The following CEP63 variants were observed in gnomAD, a reference collection of about 807,000 sequenced individuals.
CEP63 encodes the protein centrosomal protein 63.
Under a neutral mutation model 89.1 loss-of-function variants are expected in CEP63, and 84 were observed. The ratio of observed to expected loss-of-function variants is 0.94; its 90% CI spans 0.79 to 1.13. CEP63 has a LOEUF of 1.13. CEP63 is among the 50% of genes most tolerant of loss of function. CEP63 has a pLI of 0.00. For missense variants in CEP63, 838 were observed against 813.3 expected (o/e 1.03, Z -0.37); for synonymous variants, 267 against 272.5 (o/e 0.98, Z 0.20).
the CEP63 span, among the ~76,000 whole-genome samples, chr3:134,682,198 T>C: frequency 8.5e-5 from 13 of 152,176 alleles, no homozygotes; most frequent in African/African-American, 3.1e-4. Context: ...ATTGGTTTCA[T>C]TTAGGAGCGG....
the CEP63 span, among the ~76,000 whole-genome samples, chr3:134,779,018 C>T: frequency 1.3e-5 from 2 of 152,178 alleles, no homozygotes; most frequent in African/African-American, 4.8e-5. Flanking sequence ...ATGCCCTATA[C>T]AGTAAAAATT....
At chr3:134,686,532 T>A in the CEP63 span, among the ~76,000 whole-genome samples, 1 of 152,194 alleles carries the variant, frequency 6.6e-6, no homozygotes, top group Non-Finnish European at 1.5e-5. Flanking sequence ...AAGTGGGTGT[T>A]GCTCTGGGCC....
chr3:134,716,731 C>T, the CEP63 span, among the ~76,000 whole-genome samples: 2 of 151,846 alleles, frequency 1.3e-5, no homozygotes, highest in Non-Finnish European at 2.9e-5. Flanking sequence ...ACAACAGCCA[C>T]CCCCCCAATC....
At chr3:134,551,854 A>G (rs576952940) in intron 11 of CEP63, 72 bp from the exon 12 acceptor site, 75 of 833,494 alleles carry the variant, frequency 9.0e-5, no homozygotes, top group Admixed American at 1.6e-4. Context: ...TGAAAATTCC[A>G]TGTGGAAAAA....
the CEP63 span, chr3:134,603,490 G>A: frequency 8.6e-7 from 1 of 1,159,470 alleles, no homozygotes. Flanking sequence ...CAGACTCAGT[G>A]GTGTCCAGGG....
At chr3:134,625,044 C>T in the CEP63 span, 1 of 1,587,144 alleles carries the variant, frequency 6.3e-7, no homozygotes, top group Non-Finnish European at 8.6e-7. Context: ...GAGCGGCCAG[C>T]TGTCCTACCT....
At chr3:134,646,522 C>T in the CEP63 span, among the ~76,000 whole-genome samples, 1 of 152,324 alleles carries the variant, frequency 6.6e-6, no homozygotes, top group Admixed American at 6.5e-5. Context: ...TCATGCCTGG[C>T]ACAAAGTAAG....
the CEP63 span, among the ~76,000 whole-genome samples, chr3:134,616,614 C>T: frequency 6.6e-6 from 1 of 152,128 alleles, no homozygotes; most frequent in Non-Finnish European, 1.5e-5. Flanking sequence ...ATGGTAATCA[C>T]CATGTTGGAA....
intron 1 of CEP63, among the ~76,000 whole-genome samples, chr3:134,494,094 A>AT (rs924939087): frequency 7.9e-4 from 14 of 17,810 alleles, no homozygotes; most frequent in Admixed American, 1.8e-3. Context: ...TTTATTTTAT[A>AT]TTTATTTATT....
chr3:134,665,694 C>CAG, the CEP63 span, among the ~76,000 whole-genome samples: 34 of 82,438 alleles, frequency 4.1e-4, no homozygotes, highest in African/African-American at 1.3e-3. Flanking sequence ...CACACACACA[C>CAG]ACACACACAG....
At chr3:134,628,152 C>A in the CEP63 span, 1 of 304,232 alleles carries the variant, frequency 3.3e-6, no homozygotes, top group Non-Finnish European at 6.2e-6. Context: ...TTTGGAGTTT[C>A]CTGCTTTCTT....
the CEP63 span, among the ~76,000 whole-genome samples, chr3:134,681,313 G>A: frequency 0.45 from 68,970 of 151,980 alleles, 16,398 homozygotes; most frequent in East Asian, 0.71. Flanking sequence ...CTGTGAACAC[G>A]TGGCCCACAG....
At chr3:134,655,643 C>T in the CEP63 span, among the ~76,000 whole-genome samples, 3 of 152,194 alleles carry the variant, frequency 2.0e-5, no homozygotes, top group African/African-American at 7.2e-5. Flanking sequence ...TGAACAACAC[C>T]TGCCCCCCTA....
At chr3:134,652,238 T>C in the CEP63 span, among the ~76,000 whole-genome samples, 2 of 152,140 alleles carry the variant, frequency 1.3e-5, no homozygotes, top group Admixed American at 6.5e-5. Flanking sequence ...GCCTGGTGTA[T>C]AGAAAGTGGT....
the CEP63 span, among the ~76,000 whole-genome samples, chr3:134,753,391 A>G: frequency 3.3e-5 from 5 of 152,184 alleles, no homozygotes; most frequent in Non-Finnish European, 7.3e-5. Context: ...AGCAAGCACT[A>G]TATGGGCCGA....
chr3:134,757,462 T>C, the CEP63 span, among the ~76,000 whole-genome samples: 1 of 152,168 alleles, frequency 6.6e-6, no homozygotes, highest in African/African-American at 2.4e-5. Flanking sequence ...CAGGACAAGG[T>C]TGTTTTATCA....
At chr3:134,713,160 G>T in the CEP63 span, among the ~76,000 whole-genome samples, 2 of 152,168 alleles carry the variant, frequency 1.3e-5, no homozygotes, top group East Asian at 1.9e-4. Flanking sequence ...CAAGGTCCTG[G>T]CATGGGCTCC....
chr3:134,504,254 G>A (rs1162055402), intron 2 of CEP63, among the ~76,000 whole-genome samples: 6 of 83,492 alleles, frequency 7.2e-5, no homozygotes, highest in African/African-American at 1.9e-4. Flanking sequence ...AATCCCATAT[G>A]CATTTTTTGT....
the CEP63 span, among the ~76,000 whole-genome samples, chr3:134,620,482 C>T: frequency 6.6e-6 from 1 of 152,204 alleles, no homozygotes; most frequent in South Asian, 2.1e-4. Flanking sequence ...GGGAAGGCTG[C>T]TGCTGGATGA....
Sources: gnomAD v4.1 joint callset for allele counts (sites outside exome capture counted in the v4.1 genomes callset) on GRCh38, gnomAD v4.1.1 for gene constraint, MANE v1.5 for transcripts, NCBI Gene and HGNC (gene_info 2026-07-23, HGNC 2026-07-21) for gene names.